Variants in DOCK2 observed in about 807,000 individuals in gnomAD.
The protein encoded by DOCK2 is dedicator of cytokinesis 2.
DOCK2 carries 87 observed loss-of-function variants against 248.9 expected under a neutral mutation model. That is an observed-to-expected ratio of 0.35 (90% CI 0.29 to 0.42). The LOEUF (loss-of-function observed/expected upper bound fraction) is 0.42. DOCK2 is among the 10% of genes least tolerant of loss of function. The pLI is 1.00. For missense variants in DOCK2, 1,747 were observed against 2,300.2 expected, an observed-to-expected ratio of 0.76 and a Z score of 4.92; for synonymous variants, 805 against 821.6, an observed-to-expected ratio of 0.98 and a Z score of 0.35.
rs79949894 is a variant in DOCK2, at chr5:169,761,234, A to C, written c.2448-285A>C. On this transcript the variant is annotated intron_variant, in intron 24 of 51. Coordinates refer to ENST00000520908, the MANE Select transcript of DOCK2 (RefSeq NM_004946.3). ...TTGTATATAGCTTGTAGAGTTATGA[A>C]GTCTACATGGCATAATGAATGCAAA... 75 of 288,494 alleles carry C rather than the reference A, an allele frequency of 2.6e-4. 1 individual carries two copies. The East Asian group carries it at 5.1e-3, about 20-fold the overall frequency. The allele number at this position is 288,494 out of a possible 1,614,324, so 17.9% of individuals were successfully genotyped here.
chr5:169,834,054 A>G (rs187258162), intron 26 of DOCK2, among the ~76,000 whole-genome samples: 182 of 149,050 alleles, frequency 1.2e-3, no homozygotes, highest in Middle Eastern at 3.5e-3. Flanking sequence ...CTCTCCAGCT[A>G]AATGTCCCAA....
intron 40 of DOCK2, among the ~76,000 whole-genome samples, chr5:170,047,986 AT>A (rs1756775545): frequency 6.6e-6 from 1 of 152,222 alleles, no homozygotes; most frequent in Admixed American, 6.5e-5. Context: ...TCTCTTAAAA[AT>A]TATTGAGGAT....
chr5:169,670,615 C>G lies in DOCK2; in HGVS notation c.224+18C>G, dbSNP rs756038845. On this transcript the variant is annotated intron_variant, in intron 4 of 51. Coordinates refer to ENST00000520908, the MANE Select transcript of DOCK2 (RefSeq NM_004946.3). The stretch of plus-strand genomic sequence containing the variant: ...AAAAGAAGGTATTTGCCATTCTTCA[C>G]CAGACTTGAGCCTCCAGTGGCTCAT... 3 of 1,613,638 alleles carry G rather than the reference C, an allele frequency of 1.9e-6. No individual in the cohort carries two copies. In the East Asian group the frequency reaches 6.7e-5, roughly 36 times the overall value.
At chr5:170,061,553 A>C (rs1757328100) in intron 44 of DOCK2, among the ~76,000 whole-genome samples, 1 of 152,192 alleles carries the variant, frequency 6.6e-6, no homozygotes, top group Non-Finnish European at 1.5e-5. Context: ...TAACTTCTGA[A>C]ATCTAGGCCT....
chr5:169,895,155 C>A (rs1261758362), intron 27 of DOCK2, among the ~76,000 whole-genome samples: 1 of 152,212 alleles, frequency 6.6e-6, no homozygotes, highest in Non-Finnish European at 1.5e-5. Context: ...TTGCCTCTCA[C>A]CTGATGGGCT....
chr5:170,001,029 A>G (rs182614604), intron 30 of DOCK2, among the ~76,000 whole-genome samples: 1 of 152,310 alleles, frequency 6.6e-6, no homozygotes, highest in Non-Finnish European at 1.5e-5. Flanking sequence ...TGGTTCCACC[A>G]GGCAGAACGG....
chr5:169,671,580 G>T (rs966847692), intron 5 of DOCK2, among the ~76,000 whole-genome samples: 4 of 152,158 alleles, frequency 2.6e-5, no homozygotes, highest in Admixed American at 2.6e-4. Flanking sequence ...TTAACCAATG[G>T]CTATTGTCCT....
intron 36 of DOCK2, chr5:170,040,514 C>G (rs13356761): frequency 0.017 from 2,652 of 157,914 alleles, 103 homozygotes; most frequent in African/African-American, 0.056. Flanking sequence ...CACTTACTTA[C>G]ACCCAGAGAA....
chr5:169,758,392 T>C (rs530991321), intron 23 of DOCK2, among the ~76,000 whole-genome samples: 21 of 152,332 alleles, frequency 1.4e-4, no homozygotes, highest in African/African-American at 4.6e-4. Context: ...GAGGATGCGA[T>C]ATAGGACTTT....
At chr5:169,788,752 G>A (rs971341435) in intron 25 of DOCK2, among the ~76,000 whole-genome samples, 1 of 152,112 alleles carries the variant, frequency 6.6e-6, no homozygotes, top group Admixed American at 6.5e-5. Flanking sequence ...AACAAATAAT[G>A]TGCAAAATTA....
intron 9 of DOCK2, among the ~76,000 whole-genome samples, chr5:169,694,608 T>C (rs1294026416): frequency 6.6e-6 from 1 of 152,208 alleles, no homozygotes; most frequent in Admixed American, 6.5e-5. Flanking sequence ...ACTTCAGAGA[T>C]GTGAGAGATT....
intron 22 of DOCK2, among the ~76,000 whole-genome samples, chr5:169,723,540 A>G (rs1762313534): frequency 6.6e-6 from 1 of 152,064 alleles, no homozygotes; most frequent in Admixed American, 6.5e-5. Context: ...CAAAAATTCT[A>G]CGGAGGACCC....
At chr5:170,031,471 T>G (rs555437721) in intron 34 of DOCK2, among the ~76,000 whole-genome samples, 1 of 152,342 alleles carries the variant, frequency 6.6e-6, no homozygotes, top group African/African-American at 2.4e-5. Flanking sequence ...TTCATTCCAC[T>G]GCGTGAGGAA....
At chr5:169,691,025 C>T (rs1199969132) in intron 9 of DOCK2, among the ~76,000 whole-genome samples, 1 of 152,130 alleles carries the variant, frequency 6.6e-6, no homozygotes, top group Admixed American at 6.5e-5. Flanking sequence ...TTAATTGGCT[C>T]ATGGTTCTTC....
chr5:169,711,241 G>A (rs376080630), intron 15 of DOCK2, among the ~76,000 whole-genome samples: 4 of 152,240 alleles, frequency 2.6e-5, no homozygotes, highest in South Asian at 2.1e-4. Flanking sequence ...AACCTTCTCC[G>A]CATTGGCCTG....
At chr5:169,755,744 AAAAT>A (rs1443206414) in intron 23 of DOCK2, among the ~76,000 whole-genome samples, 1 of 152,202 alleles carries the variant, frequency 6.6e-6, no homozygotes, top group Non-Finnish European at 1.5e-5. Flanking sequence ...ACTCCGTCTC[AAAAT>A]AAATAAATAA....
intron 25 of DOCK2, among the ~76,000 whole-genome samples, chr5:169,801,289 A>T (rs1196212700): frequency 6.6e-6 from 1 of 150,480 alleles, no homozygotes; most frequent in Non-Finnish European, 1.5e-5. Context: ...GGCGTAGGCC[A>T]CCATGCCCAG....
At chr5:169,818,680 G>A (rs391800) in intron 26 of DOCK2, among the ~76,000 whole-genome samples, 72,731 of 151,588 alleles carry the variant, frequency 0.48, 18,767 homozygotes, top group African/African-American at 0.68. Context: ...TTTGATGCCA[G>A]GGCCTTTCCG....
intron 47 of DOCK2, among the ~76,000 whole-genome samples, chr5:170,077,069 A>G (rs879472916): frequency 6.6e-6 from 1 of 152,186 alleles, no homozygotes; most frequent in African/African-American, 2.4e-5. Context: ...CATGATACTT[A>G]TGATTTCAGT....
Sources: allele counts gnomAD v4.1 joint callset (sites outside exome capture counted in the v4.1 genomes callset), GRCh38; gene constraint gnomAD v4.1.1; transcripts MANE v1.5; gene names NCBI Gene and HGNC (gene_info 2026-07-23, HGNC 2026-07-21).